TAFA2: variants seen among roughly 807,000 people sequenced by gnomAD.
TAFA2 encodes the protein chemokine-like protein TAFA-2.
A neutral mutation model predicts 18.8 loss-of-function variants in TAFA2; 7 were observed. That is an observed-to-expected ratio of 0.37 (90% CI 0.21 to 0.70). The LOEUF (loss-of-function observed/expected upper bound fraction) is 0.70, where lower values mean the gene tolerates loss of function less well. TAFA2 is among the 30% of genes least tolerant of loss of function. The pLI, the probability that TAFA2 is intolerant of heterozygous loss-of-function variation, is 0.53. For missense variants in TAFA2, 122 were observed against 158.1 expected (o/e 0.77, Z 1.23); for synonymous variants, 60 against 54.2 (o/e 1.11, Z -0.47).
intron 4 of TAFA2, among the ~76,000 whole-genome samples, chr12:61,710,810 T>A (rs1869366354): frequency 6.6e-6 from 1 of 152,066 alleles, no homozygotes; most frequent in Non-Finnish European, 1.5e-5. Flanking sequence ...AAGACCTTTG[T>A]CCCCAGCAAC....
chr12:62,259,604 G>A (rs1316374572), upstream of TAFA2: 1 of 152,216 alleles, frequency 6.6e-6, no homozygotes, highest in African/African-American at 2.4e-5. Flanking sequence ...GGCACCATAC[G>A]AAGATGGGGC....
intron 1 of TAFA2, among the ~76,000 whole-genome samples, chr12:62,161,382 CAA>C (rs1311340119): frequency 1.3e-5 from 2 of 152,072 alleles, no homozygotes; most frequent in Admixed American, 1.3e-4. Context: ...ATAAAAAGAA[CAA>C]AGTCATGTGT....
At chr12:61,895,224 A>C (rs545489839) in intron 1 of TAFA2, among the ~76,000 whole-genome samples, 8 of 152,202 alleles carry the variant, frequency 5.3e-5, no homozygotes, top group African/African-American at 1.9e-4. Flanking sequence ...ATAAAAATAG[A>C]ATCATAAATA....
chr12:61,817,723 G>T (rs1212427918), intron 2 of TAFA2, among the ~76,000 whole-genome samples: 1 of 152,174 alleles, frequency 6.6e-6, no homozygotes, highest in East Asian at 1.9e-4. Context: ...AGGCCACAAT[G>T]AGTGAATTTT....
rs36005311 is a variant in TAFA2 at position 62,215,628 on chromosome 12, C to CAA, written c.-130+43133_-130+43134dup. On this transcript the variant is annotated intron_variant, in intron 1 of 5. Transcript: ENST00000551619. ...TGCTTAAGAGAAACAACTCGTTTAT[C>CAA]AAAAAAAAAAAAAAACAAGAGGAAG... is the stretch of plus-strand genomic sequence containing the variant. 2.7e-3 allele frequency among the ~76,000 whole-genome samples: 210 copies of CAA among 76,736 alleles called. 2 individuals carry two copies. Among genetic ancestry groups the CAA allele is most frequent in the East Asian group, 0.017 (43 of 2,594 alleles). 50.3% of individuals were successfully genotyped at this position (76,736 alleles called of 152,430 possible).
intron 1 of TAFA2, among the ~76,000 whole-genome samples, chr12:61,966,488 G>A (rs1879071799): frequency 6.6e-6 from 1 of 151,852 alleles, no homozygotes; most frequent in Non-Finnish European, 1.5e-5. Flanking sequence ...ACCACATTGA[G>A]CATTAAGTTT....
At chr12:62,084,288 T>C (rs566560590) in intron 1 of TAFA2, among the ~76,000 whole-genome samples, 1 of 152,286 alleles carries the variant, frequency 6.6e-6, no homozygotes, top group South Asian at 2.1e-4. Context: ...TAACAACTTA[T>C]CTAATACTTA....
chr12:61,732,843 G>T (rs1463286658), intron 4 of TAFA2, among the ~76,000 whole-genome samples: 1 of 151,812 alleles, frequency 6.6e-6, no homozygotes, highest in Non-Finnish European at 1.5e-5. Context: ...TGAATGCATG[G>T]TTTATATTCA....
intron 1 of TAFA2, among the ~76,000 whole-genome samples, chr12:61,885,176 A>G (rs941530352): frequency 6.6e-6 from 1 of 152,234 alleles, no homozygotes; most frequent in African/African-American, 2.4e-5. Context: ...GTCAGAGCAC[A>G]CCCAAAAGGG....
chr12:61,875,849 G>A (rs1321288784), intron 1 of TAFA2, among the ~76,000 whole-genome samples: 2 of 151,628 alleles, frequency 1.3e-5, no homozygotes. Context: ...CAGTTGACTT[G>A]TAGATCTGTA....
chr12:62,038,774 G>A lies in TAFA2; in HGVS notation c.-2+152485C>T, dbSNP rs554960461. Among the ~76,000 whole-genome samples the A allele has an allele frequency of 4.6e-5, 7 of 152,238 alleles. No homozygotes were observed. In the South Asian group the frequency reaches 6.2e-4, roughly 14 times the overall value. ...ATGCAAAAAGGTACAACAATACAAC[G>A]TTCCCAGGAAAGAAATGCATGTTCC... On this transcript the variant is annotated intron_variant, in intron 1 of 4. Coordinates refer to ENST00000416284, the MANE Select transcript of TAFA2 (RefSeq NM_178539.5).
At chr12:62,102,164 C>T (rs1227937736) in intron 1 of TAFA2, among the ~76,000 whole-genome samples, 1 of 152,118 alleles carries the variant, frequency 6.6e-6, no homozygotes, top group Non-Finnish European at 1.5e-5. Context: ...GCTTTGTCCT[C>T]CCTTGATTAT....
At chr12:61,964,973 CT>C in intron 1 of TAFA2, among the ~76,000 whole-genome samples, 1 of 151,966 alleles carries the variant, frequency 6.6e-6, no homozygotes, top group East Asian at 1.9e-4. Flanking sequence ...TCTATGCCTC[CT>C]CTACCAGGTT....
At chr12:61,844,995 C>G (rs576238151) in intron 2 of TAFA2, among the ~76,000 whole-genome samples, 199 of 152,092 alleles carry the variant, frequency 1.3e-3, no homozygotes, top group Middle Eastern at 3.4e-3. Flanking sequence ...CAGAAAGATG[C>G]CTAGGTCACA....
At chr12:61,785,319 T>TTGTGTG (rs57166010) in intron 2 of TAFA2, among the ~76,000 whole-genome samples, 9,573 of 139,956 alleles carry the variant, frequency 0.068, 287 homozygotes, top group African/African-American at 0.075. Flanking sequence ...AATAGTATTC[T>TTGTGTG]TGTGTGTGTG....
chr12:61,950,014 C>T (rs1212677802), intron 1 of TAFA2, among the ~76,000 whole-genome samples: 1 of 152,146 alleles, frequency 6.6e-6, no homozygotes, highest in Non-Finnish European at 1.5e-5. Flanking sequence ...TGGAATCATA[C>T]AGCATTTGTC....
intron 1 of TAFA2, among the ~76,000 whole-genome samples, chr12:62,046,748 T>TA (rs1464410340): frequency 2.6e-5 from 4 of 152,250 alleles, no homozygotes; most frequent in South Asian, 4.1e-4. Context: ...TAACTAACAC[T>TA]ATGTGATGGA....
At chr12:62,061,045 A>C (rs1882334911) in intron 1 of TAFA2, among the ~76,000 whole-genome samples, 1 of 152,030 alleles carries the variant, frequency 6.6e-6, no homozygotes, top group Admixed American at 6.5e-5. Context: ...TAAAGTAAAA[A>C]AGTTTTAGTA....
intron 2 of TAFA2, among the ~76,000 whole-genome samples, chr12:61,830,883 G>A (rs1004785787): frequency 6.6e-6 from 1 of 151,484 alleles, no homozygotes; most frequent in Non-Finnish European, 1.5e-5. Flanking sequence ...TTTTAACAGC[G>A]GGCCAAATAT....
Sources: gnomAD v4.1 joint callset for allele counts (sites outside exome capture counted in the v4.1 genomes callset) on GRCh38, gnomAD v4.1.1 for gene constraint, MANE v1.5 for transcripts, NCBI Gene and HGNC (gene_info 2026-07-23, HGNC 2026-07-21) for gene names.